Variants in SHROOM4 observed in about 807,000 individuals in gnomAD.
SHROOM4 encodes shroom family member 4, also known as protein Shroom4.
Under a neutral mutation model 80.3 loss-of-function variants are expected in SHROOM4, and 17 were observed. The ratio of observed to expected loss-of-function variants is 0.21; its 90% confidence interval spans 0.14 to 0.32. The LOEUF (loss-of-function observed/expected upper bound fraction) is 0.32, where lower values mean the gene tolerates loss of function less well. SHROOM4 is among the 10% of genes least tolerant of loss of function. The pLI, the probability that SHROOM4 is intolerant of heterozygous loss-of-function variation, is 1.00. For synonymous variants in SHROOM4, 400 were observed against 437.5 expected, an observed-to-expected ratio of 0.91 and a Z score of 1.07; for missense variants, 993 against 1,140.3, an observed-to-expected ratio of 0.87 and a Z score of 1.86.
At chrX:50,626,866 C>A (rs1444094129) in intron 5 of SHROOM4, among the ~76,000 whole-genome samples, 1 of 111,838 alleles carries the variant, frequency 8.9e-6, no homozygotes, top group Non-Finnish European at 1.9e-5. Context: ...TCCTGCTGTT[C>A]TTTTGCTCGT....
chrX:50,811,262 G>A (rs1557273418), intron 1 of SHROOM4, among the ~76,000 whole-genome samples: 1 of 110,676 alleles, frequency 9.0e-6, no homozygotes, highest in Non-Finnish European at 1.9e-5. Flanking sequence ...AGCCGAGCTG[G>A]CACCACTGTA....
chrX:50,803,684 C>T (rs1557272826), intron 1 of SHROOM4, among the ~76,000 whole-genome samples: 1 of 112,366 alleles, frequency 8.9e-6, no homozygotes, highest in Non-Finnish European at 1.9e-5. Flanking sequence ...GTACTTAAAG[C>T]TTTTTGTTTC....
In SHROOM4 at chrX:50,605,854, G is replaced by T. The variant is rs191967980; in HGVS notation, c.3761+1527C>A. On this transcript the variant is annotated intron_variant, in intron 6 of 8. Transcript: ENST00000376020. Reference sequence around the variant, plus strand: ...GATACATAATGTCTGGCAGTGTCTGGTATATAAGAAATACTTAATAAATGT... The same window carrying T: ...GATACATAATGTCTGGCAGTGTCTGTTATATAAGAAATACTTAATAAATGT... Among the ~76,000 whole-genome samples, 9 of 112,330 alleles carry T rather than the reference G, an allele frequency of 8.0e-5. No homozygotes were observed. In the East Asian group the frequency reaches 2.5e-3, roughly 31 times the overall value.
At position 50,634,554 on chromosome X, in the gene SHROOM4, T is replaced by C. The variant is rs781814002; in HGVS notation, c.1519A>G (p.Lys507Glu). 2.8e-5 allele frequency: 34 copies of C among 1,209,900 alleles called. No homozygotes were observed. In the South Asian group the frequency reaches 5.8e-4, roughly 21 times the overall value. ...HGEADGHPSE[K>E]GFLDPNRTSR... ...GTTCTGTTTGGGTCCAGGAAACCTT[T>C]TTCTGAGGGGTGTCCATCAGCCTCT... Residue 507 changes from lysine (K) to glutamate (E), a missense_variant, in exon 4 of 9, where the codon AAA becomes GAA. Coordinates refer to ENST00000376020, the MANE Select transcript of SHROOM4 (RefSeq NM_020717.5).
chrX:50,696,917 T>A (rs1933385115), intron 1 of SHROOM4, among the ~76,000 whole-genome samples: 1 of 112,061 alleles, frequency 8.9e-6, no homozygotes, highest in African/African-American at 3.2e-5. Context: ...TTATGGCTAA[T>A]TTTATACATT....
At chrX:50,737,843 C>T (rs1214300601) in intron 1 of SHROOM4, among the ~76,000 whole-genome samples, 1 of 111,522 alleles carries the variant, frequency 9.0e-6, no homozygotes, top group African/African-American at 3.3e-5. Flanking sequence ...CCAGGATCGT[C>T]CTGATACCAA....
At chrX:50,612,707 G>A (rs1930053990) in intron 5 of SHROOM4, among the ~76,000 whole-genome samples, 1 of 111,578 alleles carries the variant, frequency 9.0e-6, no homozygotes, top group Non-Finnish European at 1.9e-5. Context: ...TCCTAGAAAT[G>A]TAAGACTGGT....
intron 1 of SHROOM4, among the ~76,000 whole-genome samples, chrX:50,757,194 T>C (rs1935056310): frequency 8.9e-6 from 1 of 112,394 alleles, no homozygotes; most frequent in South Asian, 3.7e-4. Flanking sequence ...ATCAAATTCA[T>C]TATTTTGCAT....
intron 1 of SHROOM4, among the ~76,000 whole-genome samples, chrX:50,802,795 T>C (rs1936153550): frequency 2.7e-5 from 3 of 111,723 alleles, no homozygotes; most frequent in Non-Finnish European, 5.6e-5. Flanking sequence ...TACTTCCAAC[T>C]TGCATCCATT....
At chrX:50,647,031 G>T (rs1203684906) in intron 2 of SHROOM4, among the ~76,000 whole-genome samples, 3 of 111,515 alleles carry the variant, frequency 2.7e-5, no homozygotes, top group Non-Finnish European at 5.6e-5. Context: ...TTCCAAAGAA[G>T]GTTGGCAGGA....
At chrX:50,600,531 T>C (rs1447358266) in intron 7 of SHROOM4, among the ~76,000 whole-genome samples, 1 of 112,300 alleles carries the variant, frequency 8.9e-6, no homozygotes, top group Non-Finnish European at 1.9e-5. Context: ...AGTTAACACA[T>C]GTTACATGTT....
intron 1 of SHROOM4, among the ~76,000 whole-genome samples, chrX:50,711,070 T>C (rs1933800178): frequency 2.7e-5 from 3 of 112,265 alleles, no homozygotes. Context: ...CCTTATACCT[T>C]AGTAACATTA....
intron 2 of SHROOM4, among the ~76,000 whole-genome samples, chrX:50,666,991 C>T (rs1457406936): frequency 8.9e-6 from 1 of 111,865 alleles, no homozygotes; most frequent in Non-Finnish European, 1.9e-5. Flanking sequence ...CATTAGGAGC[C>T]AGAGACAATC....
intron 6 of SHROOM4, 82 bp from the exon 7 acceptor site, chrX:50,602,895 A>T: frequency 1.1e-6 from 1 of 950,268 alleles, no homozygotes; most frequent in Admixed American, 2.4e-5. Context: ...TCCATCTGAA[A>T]AATGGAACCC....
chrX:50,600,375 A>G (rs1929338581), intron 7 of SHROOM4, among the ~76,000 whole-genome samples: 1 of 111,355 alleles, frequency 9.0e-6, no homozygotes, highest in Admixed American at 9.6e-5. Context: ...AGACTACCAG[A>G]GTTTGAACTC....
At chrX:50,750,012 A>C (rs1934874033) in intron 1 of SHROOM4, among the ~76,000 whole-genome samples, 1 of 111,682 alleles carries the variant, frequency 9.0e-6, no homozygotes, top group Admixed American at 9.5e-5. Context: ...GAGGACCTCA[A>C]CTTGACCATA....
intron 1 of SHROOM4, among the ~76,000 whole-genome samples, chrX:50,801,491 T>G (rs920360884): frequency 9.0e-6 from 1 of 111,329 alleles, no homozygotes. Flanking sequence ...ATTTTGGCTT[T>G]TATTAGTGGC....
At chrX:50,647,418 G>A (rs1931880851) in intron 2 of SHROOM4, among the ~76,000 whole-genome samples, 2 of 111,226 alleles carry the variant, frequency 1.8e-5, no homozygotes, top group East Asian at 2.9e-4. Flanking sequence ...GAGCACATAG[G>A]GAAAATGGCA....
chrX:50,811,183 T>C (rs1936322507), intron 1 of SHROOM4, among the ~76,000 whole-genome samples: 1 of 110,758 alleles, frequency 9.0e-6, no homozygotes, highest in South Asian at 3.9e-4. Flanking sequence ...AGCGTGTGCC[T>C]GTAGTCCCAG....
Sources: gnomAD v4.1 joint callset for allele counts (sites outside exome capture counted in the v4.1 genomes callset) on GRCh38, gnomAD v4.1.1 for gene constraint, MANE v1.5 for transcripts, NCBI Gene and HGNC (gene_info 2026-07-23, HGNC 2026-07-21) for gene names.